Variants in ROBO2 observed in about 807,000 individuals in gnomAD.
The protein encoded by ROBO2 is roundabout homolog 2.
Under a neutral mutation model 160.8 loss-of-function variants are expected in ROBO2, and 53 were observed. The ratio of observed to expected loss-of-function variants is 0.33; its 90% CI spans 0.26 to 0.41. The LOEUF (loss-of-function observed/expected upper bound fraction) is 0.41. Among genes scored for constraint, ROBO2 ranks in the 10% least tolerant of loss-of-function variants. The probability of loss-of-function intolerance (pLI) is 1.00; values close to 1 mark genes in which losing one functional copy is unlikely to be tolerated. For missense variants in ROBO2, 1,577 were observed against 1,722.4 expected (o/e 0.92, Z 1.49); for synonymous variants, 664 against 611.7 (o/e 1.09, Z -1.26).
chr3:77,185,978 T>G (rs2081247141), intron 2 of ROBO2, among the ~76,000 whole-genome samples: 1 of 151,826 alleles, frequency 6.6e-6, no homozygotes, highest in Non-Finnish European at 1.5e-5. Context: ...TGCTAAGCTA[T>G]GAGGATGCAA....
At chr3:76,541,886 T>C (rs2082838216) in intron 2 of ROBO2, among the ~76,000 whole-genome samples, 1 of 152,208 alleles carries the variant, frequency 6.6e-6, no homozygotes, top group Non-Finnish European at 1.5e-5. Flanking sequence ...GTGTATTATA[T>C]ATTAACACCA....
intron 2 of ROBO2, among the ~76,000 whole-genome samples, chr3:76,984,738 G>A (rs566790488): frequency 6.6e-6 from 1 of 151,882 alleles, no homozygotes; most frequent in Non-Finnish European, 1.5e-5. Context: ...GAATCAAACA[G>A]TATTAGAAAA....
At chr3:76,798,263 A>AG (rs1553909397) in intron 2 of ROBO2, among the ~76,000 whole-genome samples, 1 of 125,696 alleles carries the variant, frequency 8.0e-6, no homozygotes, top group African/African-American at 3.3e-5. Flanking sequence ...AAAGAAGGAA[A>AG]GAAAGAAAGA....
chr3:76,360,241 AGCTTTAATATTCTG>A (rs1466074252), intron 2 of ROBO2, among the ~76,000 whole-genome samples: 2 of 152,038 alleles, frequency 1.3e-5, no homozygotes, highest in African/African-American at 2.4e-5. Flanking sequence ...TCGGTTTTCC[AGCTTTAATATTCTG>A]GCCCAAGTAA....
At chr3:76,881,979 T>TTGTGTG (rs140384151) in intron 2 of ROBO2, among the ~76,000 whole-genome samples, 5 of 145,998 alleles carry the variant, frequency 3.4e-5, no homozygotes, top group Non-Finnish European at 7.6e-5. Flanking sequence ...TAGGTTGGTT[T>TTGTGTG]TGTGTGTGTG....
intron 2 of ROBO2, among the ~76,000 whole-genome samples, chr3:76,213,593 G>A (rs939900221): frequency 1.9e-4 from 29 of 152,088 alleles, no homozygotes; most frequent in African/African-American, 6.5e-4. Context: ...TTTAAATAAA[G>A]TACTAAGAGA....
intron 2 of ROBO2, among the ~76,000 whole-genome samples, chr3:76,496,991 C>A (rs756929019): frequency 6.6e-6 from 1 of 152,152 alleles, no homozygotes; most frequent in African/African-American, 2.4e-5. Context: ...CCAAACTCTA[C>A]AAACTTCCCA....
At chr3:76,575,018 C>T (rs1234177641) in intron 2 of ROBO2, among the ~76,000 whole-genome samples, 1 of 152,082 alleles carries the variant, frequency 6.6e-6, no homozygotes, top group African/African-American at 2.4e-5. Context: ...ATTTCTTGCT[C>T]AGTGAAACGG....
At chr3:77,075,857 T>A (rs1019016514) in intron 1 of ROBO2, among the ~76,000 whole-genome samples, 2 of 151,720 alleles carry the variant, frequency 1.3e-5, no homozygotes, top group Non-Finnish European at 2.9e-5. Flanking sequence ...TTTGTATTTT[T>A]AGTAGAGATG....
intron 2 of ROBO2, among the ~76,000 whole-genome samples, chr3:75,981,882 C>G (rs1277865335): frequency 6.7e-6 from 1 of 149,532 alleles, no homozygotes; most frequent in Non-Finnish European, 1.5e-5. Flanking sequence ...TTTTTTTTAC[C>G]TATTAACAAT....
chr3:76,367,681 A>G (rs1667548935), intron 2 of ROBO2, among the ~76,000 whole-genome samples: 1 of 152,016 alleles, frequency 6.6e-6, no homozygotes, highest in Admixed American at 6.6e-5. Flanking sequence ...CCCAATTTCC[A>G]TGAGAAAAAA....
chr3:76,251,592 T>C (rs557089508), intron 2 of ROBO2, among the ~76,000 whole-genome samples: 12 of 152,232 alleles, frequency 7.9e-5, no homozygotes, highest in African/African-American at 2.9e-4. Context: ...ACAAAACTTA[T>C]TTTTAGCATC....
At chr3:75,915,628 C>T (rs116008369) in intron 1 of ROBO2, among the ~76,000 whole-genome samples, 204 of 152,120 alleles carry the variant, frequency 1.3e-3, no homozygotes, top group African/African-American at 4.1e-3. Context: ...AATTACATAG[C>T]GGGGCTTTCG....
At chr3:76,949,075 C>G (rs973187052) in intron 2 of ROBO2, among the ~76,000 whole-genome samples, 1 of 150,936 alleles carries the variant, frequency 6.6e-6, no homozygotes, top group Admixed American at 6.6e-5. Flanking sequence ...CATGTCTAAT[C>G]TTTTTCATTT....
rs565038600 is a variant in ROBO2, at chr3:77,284,461, G to A, written c.388+186121G>A. On this transcript the variant is annotated intron_variant, in intron 2 of 25. Transcript: ENST00000461745. The stretch of plus-strand genomic sequence containing the variant: ...ATATAAGCTGTTAGGAAAAGGCCTC[G>A]TTCACAATAGGTCTGATACAAATGT... Among the ~76,000 whole-genome samples, 23 of 152,204 alleles carry A rather than the reference G, an allele frequency of 1.5e-4. No individual in the cohort carries two copies. In the South Asian group the frequency reaches 4.1e-3, roughly 27 times the overall value.
chr3:77,600,738 AT>A (rs1305382693), intron 19 of ROBO2, among the ~76,000 whole-genome samples: 2 of 152,202 alleles, frequency 1.3e-5, no homozygotes, highest in Non-Finnish European at 2.9e-5. Flanking sequence ...TATACTACAT[AT>A]TAAAAGTTTT....
At chr3:77,198,699 T>G (rs1441964) in intron 2 of ROBO2, among the ~76,000 whole-genome samples, 50,837 of 152,024 alleles carry the variant, frequency 0.33, 9,980 homozygotes, top group Middle Eastern at 0.53. Flanking sequence ...TCAGGAATTC[T>G]AGACTAGCCT....
chr3:76,178,659 C>A (rs2073314927), intron 2 of ROBO2, among the ~76,000 whole-genome samples: 1 of 152,054 alleles, frequency 6.6e-6, no homozygotes, highest in Non-Finnish European at 1.5e-5. Context: ...TAAAAAAGAA[C>A]CTTGGCTGGA....
intron 2 of ROBO2, among the ~76,000 whole-genome samples, chr3:76,896,008 G>A (rs12487155): frequency 0.066 from 10,063 of 152,144 alleles, 353 homozygotes; most frequent in South Asian, 0.15. Flanking sequence ...CCTTGCCTCT[G>A]GAATCCTGAC....
Sources: gnomAD v4.1 joint callset for allele counts (sites outside exome capture counted in the v4.1 genomes callset) on GRCh38, gnomAD v4.1.1 for gene constraint, MANE v1.5 for transcripts, NCBI Gene and HGNC (gene_info 2026-07-23, HGNC 2026-07-21) for gene names.